Variants in MRRF observed in about 807,000 individuals in gnomAD.
MRRF encodes ribosome-recycling factor, mitochondrial.
In MRRF, 18 loss-of-function variants were observed where a neutral mutation model predicts 25.1. The ratio of observed to expected loss-of-function variants is 0.72; its 90% CI spans 0.50 to 1.06. MRRF has a LOEUF of 1.06. MRRF is among the 50% of genes least tolerant of loss of function. The pLI is 0.00. For missense variants in MRRF, 323 were observed against 319.3 expected (o/e 1.01, Z -0.09); for synonymous variants, 113 against 112.1 (o/e 1.01, Z -0.05).
At chr9:122,277,440 T>G (rs1053637457) in intron 2 of MRRF, among the ~76,000 whole-genome samples, 21 of 152,224 alleles carry the variant, frequency 1.4e-4, no homozygotes, top group Non-Finnish European at 7.3e-5. Flanking sequence ...TATGTTATAT[T>G]CAGCTAGATT....
At chr9:122,283,999 G>GT (rs1054428344) in intron 3 of MRRF, among the ~76,000 whole-genome samples, 4 of 147,566 alleles carry the variant, frequency 2.7e-5, no homozygotes, top group Admixed American at 6.7e-5. Context: ...TGTTGTTGTT[G>GT]TTGTTTGTTT....
rs1253232520 is a variant in MRRF, at chr9:122,326,148, C to T, written c.*3531C>T. ...TTTGCAATGGAGTCTTGCTCTGTCGCCCACGCTGGAGTGCATTGGCGCAAT... is the reference window on the plus strand; with the variant it reads ...TTTGCAATGGAGTCTTGCTCTGTCGTCCACGCTGGAGTGCATTGGCGCAAT... On this transcript the variant is annotated 3_prime_UTR_variant, in exon 7 of 7. Coordinates refer to ENST00000344641, the MANE Select transcript of MRRF (RefSeq NM_138777.5). The T allele has an allele frequency of 4.7e-5, 7 of 148,130 alleles. No homozygotes were observed. The highest frequency in any genetic ancestry group is 2.0e-4 in the Admixed American group (3 of 14,748). The allele number at this position is 148,130 out of a possible 1,614,324, so 9.2% of individuals were successfully genotyped here.
intron 1 of MRRF, among the ~76,000 whole-genome samples, chr9:122,267,402 T>A (rs1197786011): frequency 1.3e-5 from 2 of 151,710 alleles, no homozygotes; most frequent in Admixed American, 1.3e-4. Flanking sequence ...AAAAAAAATT[T>A]AATAGTTGGG....
intron 5 of MRRF, among the ~76,000 whole-genome samples, chr9:122,296,632 G>A (rs1411095243): frequency 1.3e-5 from 2 of 152,168 alleles, no homozygotes; most frequent in East Asian, 3.9e-4. Context: ...GATTTATCTG[G>A]AATATCAGTC....
intron 5 of MRRF, among the ~76,000 whole-genome samples, chr9:122,299,413 C>T (rs781233117): frequency 5.3e-5 from 8 of 151,812 alleles, no homozygotes; most frequent in South Asian, 2.1e-4. Context: ...TTGCACCTGG[C>T]GGAAGAGAAG....
At chr9:122,302,862 T>G (rs1019573050) in intron 5 of MRRF, among the ~76,000 whole-genome samples, 8 of 152,206 alleles carry the variant, frequency 5.3e-5, no homozygotes, top group Non-Finnish European at 1.0e-4. Context: ...GTTTCTCCAT[T>G]CCTTTGCCAA....
Position 122,304,735 on chromosome 9 carries a change from T to C in MRRF, c.552-8492T>C, listed in dbSNP as rs189589245. Among the ~76,000 whole-genome samples, 256 of 152,284 alleles carry C rather than the reference T, an allele frequency of 1.7e-3. 1 individual carries two copies. The highest frequency in any genetic ancestry group is 5.9e-3 in the African/African-American group (246 of 41,544). ...GTTGGGGAGTAGCATGAATTATATATCTAAGCCGGTCTTAATGTGAGAGTA... is the reference window on the plus strand; with the variant it reads ...GTTGGGGAGTAGCATGAATTATATACCTAAGCCGGTCTTAATGTGAGAGTA... On this transcript the variant is annotated intron_variant, in intron 5 of 6. Coordinates refer to ENST00000344641, the MANE Select transcript of MRRF (RefSeq NM_138777.5).
At chr9:122,292,611 G>A (rs546390627) in intron 5 of MRRF, among the ~76,000 whole-genome samples, 1 of 152,284 alleles carries the variant, frequency 6.6e-6, no homozygotes, top group South Asian at 2.1e-4. Flanking sequence ...GTCAGTAGAG[G>A]CTGATGGTTT....
intron 6 of MRRF, 120 bp from the exon 7 acceptor site, chr9:122,322,420 A>T (rs1268790845): frequency 2.3e-6 from 2 of 879,520 alleles, no homozygotes; most frequent in Admixed American, 4.0e-5. Context: ...ACTGGTACTT[A>T]ATGTGAACTT....
At chr9:122,287,954 A>C (rs1361742610) in intron 4 of MRRF, among the ~76,000 whole-genome samples, 1 of 152,208 alleles carries the variant, frequency 6.6e-6, no homozygotes, top group Non-Finnish European at 1.5e-5. Context: ...TGCTGAGCTA[A>C]TCCTGTGTTT....
intron 3 of MRRF, among the ~76,000 whole-genome samples, chr9:122,283,848 C>T (rs1306026556): frequency 2.0e-5 from 3 of 152,210 alleles, no homozygotes; most frequent in Non-Finnish European, 4.4e-5. Flanking sequence ...TCTTTTCCAT[C>T]TGTAACTGTG....
Position 122,327,906 on chromosome 9 carries a change from A to G in MRRF, c.*5289A>G, listed in dbSNP as rs1021189152. On this transcript the variant is annotated 3_prime_UTR_variant, in exon 7 of 7. Transcript: ENST00000344641. ...GGAATTGGGTTTTGTTCGATGAACC[A>G]TTCTGAAACTCCTTTTTTCTTATTT... 6.6e-5 allele frequency: 10 copies of G among 151,100 alleles called. No individual in the cohort carries two copies. The highest frequency in any genetic ancestry group is 2.4e-4 in the African/African-American group (10 of 41,074). 9.4% of individuals were successfully genotyped at this position (151,100 alleles called of 1,614,324 possible). A position where few individuals can be genotyped will look rare whatever the true frequency, so the allele number is the denominator to read the frequency against.
intron 2 of MRRF, among the ~76,000 whole-genome samples, chr9:122,273,940 A>C (rs1286930462): frequency 2.6e-5 from 4 of 152,192 alleles, no homozygotes; most frequent in Admixed American, 2.6e-4. Flanking sequence ...CAGTTAACAG[A>C]CATTTGGGTT....
At chr9:122,269,324 G>A (rs1832311548) in intron 1 of MRRF, among the ~76,000 whole-genome samples, 2 of 152,126 alleles carry the variant, frequency 1.3e-5, no homozygotes, top group African/African-American at 4.8e-5. Flanking sequence ...GAAAAGAAGA[G>A]TAAATTGCCT....
intron 4 of MRRF, chr9:122,286,201 A>T: frequency 7.8e-7 from 1 of 1,287,972 alleles, no homozygotes; most frequent in Admixed American, 2.3e-5. Context: ...TGTCTATTTC[A>T]GTAGTTGTAT....
At chr9:122,281,468 C>T (rs1418850726) in intron 3 of MRRF, among the ~76,000 whole-genome samples, 1 of 152,172 alleles carries the variant, frequency 6.6e-6, no homozygotes, top group Non-Finnish European at 1.5e-5. Flanking sequence ...TAAACACTAT[C>T]AGAAACATTA....
rs66775611 is a variant in MRRF, at chr9:122,304,062, A to AACACACACACACACACACACACACACAC, written c.552-9154_552-9127dup. ...GGAAATACTGGTAATACCCTTTTCT[A>AACACACACACACACACACACACACACAC]ACACACACACACACACACACACACA... On this transcript the variant is annotated intron_variant, in intron 5 of 6. Transcript: ENST00000344641. Among the ~76,000 whole-genome samples, 143 of 139,866 alleles carry AACACACACACACACACACACACACACAC rather than the reference A, an allele frequency of 1.0e-3. 1 individual carries two copies. Among genetic ancestry groups the AACACACACACACACACACACACACACAC allele is most frequent in the African/African-American group, 3.7e-3 (138 of 37,350 alleles). 91.8% of individuals were successfully genotyped at this position (139,866 alleles called of 152,430 possible).
At chr9:122,317,891 A>T (rs2118994181) in intron 6 of MRRF, among the ~76,000 whole-genome samples, 1 of 152,330 alleles carries the variant, frequency 6.6e-6, no homozygotes, top group Admixed American at 6.5e-5. Context: ...TAATCCCAGC[A>T]CTTTGGGAGG....
At chr9:122,274,919 G>A (rs1035101040) in intron 2 of MRRF, among the ~76,000 whole-genome samples, 13 of 151,686 alleles carry the variant, frequency 8.6e-5, no homozygotes, top group African/African-American at 3.1e-4. Flanking sequence ...TTTCTCCTGT[G>A]TACTTGTTCT....
Sources: gnomAD v4.1 joint callset for allele counts (sites outside exome capture counted in the v4.1 genomes callset) on GRCh38, gnomAD v4.1.1 for gene constraint, MANE v1.5 for transcripts, NCBI Gene and HGNC (gene_info 2026-07-23, HGNC 2026-07-21) for gene names.